The following WSB2 variants were observed in gnomAD, a reference collection of about 807,000 sequenced individuals.
The protein encoded by WSB2 is WD repeat and SOCS box-containing protein 2.
Under a neutral mutation model 48.8 loss-of-function variants are expected in WSB2, and 12 were observed. The observed-to-expected ratio is 0.25, with a 90% CI of 0.16 to 0.40. WSB2 has a LOEUF of 0.40. WSB2 is among the 10% of genes least tolerant of loss of function. WSB2 has a pLI of 1.00. For missense variants in WSB2, 317 were observed against 506.2 expected (o/e 0.63, Z 3.59); for synonymous variants, 191 against 203.1 (o/e 0.94, Z 0.51).
chr12:118,035,093 T>G lies in WSB2; in HGVS notation c.945A>C (p.Arg315Ser), dbSNP rs1379813033. Residue 315 changes from arginine (R) to serine (S), a missense_variant and splice_region_variant, in exon 8 of 9, where the codon AGA becomes AGC. Arg to Ser is a moderately radical substitution (Grantham distance 110). Coordinates refer to ENST00000315436, the MANE Select transcript of WSB2 (RefSeq NM_018639.5). ...GTTCCAGGGCCCAGATCCTGAGGAG[T>G]CTGGATGGGGAGAGAGAACATCTGG... is the stretch of plus-strand genomic sequence containing the variant. ...GLYLATVADD[R>S]LLRIWALELK... 5.6e-6 allele frequency: 9 copies of G among 1,613,604 alleles called. No homozygotes were observed. Among genetic ancestry groups the G allele is most frequent in the Non-Finnish European group, 7.6e-6 (9 of 1,179,916 alleles).
rs923494013 is a variant in WSB2, at chr12:118,060,009, A to T, written c.13+1027T>A. On this transcript the variant is annotated intron_variant, in intron 1 of 8. Transcript: ENST00000315436. The surrounding 1 kb of genome is among the most constrained non-coding windows in gnomAD (Gnocchi z 4.1). ...GCTTGAACTTGGCTGCAAGATTACCATGAAGTTCTGGAACAAATTCTGAGC... is the reference window on the plus strand; with the variant it reads ...GCTTGAACTTGGCTGCAAGATTACCTTGAAGTTCTGGAACAAATTCTGAGC... Among the ~76,000 whole-genome samples, 2 of 152,226 alleles carry T rather than the reference A, an allele frequency of 1.3e-5. No homozygotes were observed. The highest frequency in any genetic ancestry group is 2.9e-5 in the Non-Finnish European group (2 of 68,046).
intron 1 of WSB2, 91 bp from the exon 2 acceptor site, chr12:118,052,569 A>T: frequency 6.4e-7 from 1 of 1,564,646 alleles, no homozygotes; most frequent in South Asian, 1.2e-5. Flanking sequence ...TGTGGCAAAG[A>T]GCCACACTAT....
At chr12:118,044,463 G>A (rs2031706099) in intron 2 of WSB2, among the ~76,000 whole-genome samples, 1 of 152,164 alleles carries the variant, frequency 6.6e-6, no homozygotes, top group Non-Finnish European at 1.5e-5. Flanking sequence ...CGTTTGTTTG[G>A]TACATGTTAA....
chr12:118,048,866 T>A (rs976934663), intron 2 of WSB2, among the ~76,000 whole-genome samples: 2 of 152,070 alleles, frequency 1.3e-5, no homozygotes, highest in East Asian at 3.9e-4. Flanking sequence ...GTAATTAAAG[T>A]AAAGGAGCTT....
At chr12:118,042,728 TCA>T in intron 4 of WSB2, 111 bp downstream of exon 4, 1 of 1,510,898 alleles carries the variant, frequency 6.6e-7, no homozygotes, top group Non-Finnish European at 8.8e-7. Context: ...TAAGGGGCAA[TCA>T]CAGAAAAAAA....
chr12:118,051,443 GA>G (rs2031851188), intron 2 of WSB2, among the ~76,000 whole-genome samples: 1 of 152,188 alleles, frequency 6.6e-6, no homozygotes, highest in Non-Finnish European at 1.5e-5. Context: ...AAAAGGAAAT[GA>G]AATACTAGTA....
At chr12:118,045,467 G>A (rs1176759666) in intron 2 of WSB2, among the ~76,000 whole-genome samples, 1 of 152,120 alleles carries the variant, frequency 6.6e-6, no homozygotes, top group African/African-American at 2.4e-5. Flanking sequence ...GGAGGCTGAG[G>A]TGGGTGGATC....
Position 118,046,602 on chromosome 12 carries a change from C to T in WSB2, c.183-3225G>A, listed in dbSNP as rs1212709549. On this transcript the variant is annotated intron_variant, in intron 2 of 8. Coordinates refer to ENST00000315436, the MANE Select transcript of WSB2 (RefSeq NM_018639.5). ...GTCACTTCGATCGGCTGCCTCTCCA[C>T]AGACTGTCCAGACCTGCCTGGCTCT... Among the ~76,000 whole-genome samples, 3 of 152,324 alleles carry T rather than the reference C, an allele frequency of 2.0e-5. No individual in the cohort carries two copies. In the South Asian group the frequency reaches 6.2e-4, roughly 32 times the overall value.
intron 2 of WSB2, among the ~76,000 whole-genome samples, chr12:118,044,199 A>G (rs1258769736): frequency 6.6e-6 from 1 of 152,152 alleles, no homozygotes; most frequent in Non-Finnish European, 1.5e-5. Flanking sequence ...CAATGGGGTG[A>G]CCTGCCTTGT....
chr12:118,039,766 C>CA (rs1160572209), intron 4 of WSB2, among the ~76,000 whole-genome samples: 1 of 151,090 alleles, frequency 6.6e-6, no homozygotes, highest in Non-Finnish European at 1.5e-5. Context: ...TTTTTTGAGA[C>CA]AGAGTCTTGT....
chr12:118,054,438 AG>A (rs780443406), intron 1 of WSB2, among the ~76,000 whole-genome samples: 1 of 151,906 alleles, frequency 6.6e-6, no homozygotes, highest in Non-Finnish European at 1.5e-5. Context: ...TGTGAGGCCA[AG>A]GCGGGCAGAT....
At chr12:118,040,605 A>T (rs1368105371) in intron 4 of WSB2, among the ~76,000 whole-genome samples, 1 of 151,716 alleles carries the variant, frequency 6.6e-6, no homozygotes, top group Non-Finnish European at 1.5e-5. Context: ...TACTAAAAAT[A>T]CGAAAATTAG....
At chr12:118,044,585 C>T (rs1683046304) in intron 2 of WSB2, among the ~76,000 whole-genome samples, 1 of 152,150 alleles carries the variant, frequency 6.6e-6, no homozygotes, top group Non-Finnish European at 1.5e-5. Flanking sequence ...AGAGAGAAAA[C>T]GAATTCACAG....
intron 4 of WSB2, among the ~76,000 whole-genome samples, chr12:118,039,941 T>C (rs1437735151): frequency 6.6e-6 from 1 of 152,004 alleles, no homozygotes; most frequent in African/African-American, 2.4e-5. Flanking sequence ...AGCCGGAGTT[T>C]CACCATGTTG....
chr12:118,049,890 A>T (rs2031817435), intron 2 of WSB2, among the ~76,000 whole-genome samples: 1 of 152,218 alleles, frequency 6.6e-6, no homozygotes, highest in Non-Finnish European at 1.5e-5. Flanking sequence ...TGTTATTTAT[A>T]AAAAATGCTT....
intron 4 of WSB2, among the ~76,000 whole-genome samples, chr12:118,041,361 G>A (rs936865576): frequency 6.6e-6 from 1 of 152,200 alleles, no homozygotes; most frequent in African/African-American, 2.4e-5. Context: ...GGCAGCAGGT[G>A]CTCACAGACA....
intron 4 of WSB2, among the ~76,000 whole-genome samples, chr12:118,039,143 C>T (rs12300828): frequency 9.8e-4 from 149 of 152,252 alleles, no homozygotes; most frequent in African/African-American, 3.5e-3. Context: ...GTCACCCTCC[C>T]AGCCTTGCCA....
intron 4 of WSB2, among the ~76,000 whole-genome samples, chr12:118,041,277 T>A (rs1566137736): frequency 6.6e-6 from 1 of 152,088 alleles, no homozygotes; most frequent in African/African-American, 2.4e-5. Context: ...TTAGTGCCCT[T>A]AGAAGAAGAG....
In WSB2 at chr12:118,034,270, G is replaced by T; in HGVS notation, c.1141C>A (p.Leu381Ile). 1 of 1,614,188 alleles carries T rather than the reference G, an allele frequency of 6.2e-7. No individual in the cohort carries two copies. Among genetic ancestry groups the T allele is most frequent in the Non-Finnish European group, 8.5e-7 (1 of 1,180,030 alleles). The change falls in exon 9 of 9, where the codon CTA (leucine) becomes ATA (isoleucine). Residue 381 changes from leucine (L) to isoleucine (I), a missense_variant. This residue lies in a region of WSB2 where 189 missense variants were observed against 349.6 expected (regional missense o/e 0.54). Coordinates refer to ENST00000315436, the MANE Select transcript of WSB2 (RefSeq NM_018639.5). ...AGTGCTAGGACTTGGTAAGTTGTTA[G>T]GAAACTTCGAAGGGCTTTCCGGCAT... ...HLCRKALRSF[L>I]TTYQVLALPI...
Sources: gnomAD v4.1 joint callset for allele counts (sites outside exome capture counted in the v4.1 genomes callset) on GRCh38, gnomAD v4.1.1 for gene constraint, gnomAD v4.1.1 regional missense constraint, Gnocchi (gnomAD v3.1) non-coding constraint, MANE v1.5 for transcripts, NCBI Gene and HGNC (gene_info 2026-07-23, HGNC 2026-07-21) for gene names.